The following NFIB variants were observed in gnomAD, a reference collection of about 807,000 sequenced individuals.
NFIB encodes the protein nuclear factor I B.
NFIB carries 11 observed loss-of-function variants against 61.5 expected under a neutral mutation model. The ratio of observed to expected loss-of-function variants is 0.18; its 90% CI spans 0.11 to 0.30. The LOEUF is 0.30. Among genes scored for constraint, NFIB ranks in the 10% least tolerant of loss-of-function variants. The probability of loss-of-function intolerance (pLI) is 1.00; values close to 1 mark genes in which losing one functional copy is unlikely to be tolerated. For synonymous variants in NFIB, 260 were observed against 216.5 expected (o/e 1.20, Z -1.76); for missense variants, 471 against 608.9 (o/e 0.77, Z 2.38).
At chr9:14,445,793 T>C in the NFIB span, among the ~76,000 whole-genome samples, 3 of 152,220 alleles carry the variant, frequency 2.0e-5, no homozygotes, top group African/African-American at 4.8e-5. Flanking sequence ...TATTGTTTTA[T>C]ATACCCAATA....
At chr9:14,457,014 G>A in the NFIB span, among the ~76,000 whole-genome samples, 1 of 152,144 alleles carries the variant, frequency 6.6e-6, no homozygotes, top group African/African-American at 2.4e-5. Flanking sequence ...AACAATGAAT[G>A]AGACAATTCT....
At chr9:14,419,731 G>T in the NFIB span, among the ~76,000 whole-genome samples, 3 of 151,904 alleles carry the variant, frequency 2.0e-5, no homozygotes, top group Non-Finnish European at 2.9e-5. Flanking sequence ...CCACAACACC[G>T]ACCCTTTGAC....
the NFIB span, among the ~76,000 whole-genome samples, chr9:14,509,991 G>A: frequency 2.0e-5 from 3 of 152,174 alleles, no homozygotes; most frequent in Non-Finnish European, 4.4e-5. Flanking sequence ...TCGCTTCCCA[G>A]GTTCAAGTGA....
At chr9:14,237,289 C>T (rs547596960) in intron 2 of NFIB, among the ~76,000 whole-genome samples, 3 of 152,306 alleles carry the variant, frequency 2.0e-5, no homozygotes, top group East Asian at 3.9e-4. Flanking sequence ...TTTCTTTCAT[C>T]TATCTCATCC....
At chr9:14,236,561 C>T (rs1019797826) in intron 2 of NFIB, among the ~76,000 whole-genome samples, 6 of 152,170 alleles carry the variant, frequency 3.9e-5, no homozygotes, top group Non-Finnish European at 5.9e-5. Flanking sequence ...CACACTCATC[C>T]GTGCTGGACT....
intron 10 of NFIB, 131 bp from the exon 11 acceptor site, chr9:14,088,457 G>C (rs2033233679): frequency 1.0e-6 from 1 of 961,834 alleles, no homozygotes; most frequent in Non-Finnish European, 1.4e-6. Context: ...CAAAATTACA[G>C]TCTAATATGA....
At chr9:14,429,760 C>A in the NFIB span, among the ~76,000 whole-genome samples, 1 of 152,218 alleles carries the variant, frequency 6.6e-6, no homozygotes, top group Non-Finnish European at 1.5e-5. Flanking sequence ...CCACTGCTAC[C>A]ATGGGGCCTG....
chr9:14,103,405 T>C (rs149744069), intron 10 of NFIB, among the ~76,000 whole-genome samples: 1 of 152,076 alleles, frequency 6.6e-6, no homozygotes, highest in East Asian at 1.9e-4. Context: ...CACTGTAAAT[T>C]AACAGCATCT....
upstream of NFIB, chr9:14,314,493 T>C (rs2060447346): frequency 6.6e-6 from 1 of 152,224 alleles, no homozygotes; most frequent in Non-Finnish European, 1.5e-5. Context: ...TGCTCTAGGC[T>C]CTTTTTTTTC....
intron 1 of NFIB, among the ~76,000 whole-genome samples, chr9:14,355,638 G>A (rs768472651): frequency 6.6e-6 from 1 of 152,164 alleles, no homozygotes; most frequent in Non-Finnish European, 1.5e-5. Context: ...CCCATACTTA[G>A]AAGTGCCCCA....
chr9:14,520,214 G>A, the NFIB span, among the ~76,000 whole-genome samples: 1 of 152,064 alleles, frequency 6.6e-6, no homozygotes, highest in Non-Finnish European at 1.5e-5. Flanking sequence ...TTATCAAAAG[G>A]CCATTTCTTC....
At chr9:14,253,142 A>T (rs1027924010) in intron 2 of NFIB, among the ~76,000 whole-genome samples, 3 of 152,240 alleles carry the variant, frequency 2.0e-5, no homozygotes, top group African/African-American at 4.8e-5. Context: ...AATCAAAATC[A>T]GGTGCTACAG....
chr9:14,414,666 C>A, the NFIB span, among the ~76,000 whole-genome samples: 35 of 151,872 alleles, frequency 2.3e-4, no homozygotes, highest in Non-Finnish European at 3.5e-4. Flanking sequence ...ATCTACAAAG[C>A]ACTCCAAAGC....
intron 2 of NFIB, among the ~76,000 whole-genome samples, chr9:14,289,237 T>TAC (rs2058932577): frequency 6.7e-6 from 1 of 149,600 alleles, no homozygotes. Flanking sequence ...CACATATATA[T>TAC]ATGCATACAC....
intron 1 of NFIB, among the ~76,000 whole-genome samples, chr9:14,326,734 A>T (rs540615474): frequency 2.1e-4 from 32 of 150,256 alleles, no homozygotes; most frequent in African/African-American, 7.8e-4. Flanking sequence ...GTTATGACTC[A>T]ATGTGTGAAA....
At chr9:14,245,480 G>A (rs545048096) in intron 2 of NFIB, among the ~76,000 whole-genome samples, 3 of 151,564 alleles carry the variant, frequency 2.0e-5, no homozygotes, top group Admixed American at 6.6e-5. Flanking sequence ...AAAAACCAAC[G>A]GCAACAAAAA....
chr9:14,259,229 C>T (rs950962741), intron 2 of NFIB, among the ~76,000 whole-genome samples: 1 of 152,072 alleles, frequency 6.6e-6, no homozygotes, highest in African/African-American at 2.4e-5. Flanking sequence ...AAGTCAATTG[C>T]TTGTGGTGGT....
At chr9:14,159,367 A>C (rs906612517) in intron 3 of NFIB, among the ~76,000 whole-genome samples, 1 of 152,200 alleles carries the variant, frequency 6.6e-6, no homozygotes, top group Non-Finnish European at 1.5e-5. Flanking sequence ...TTTGGAACCT[A>C]CTGGATAAAA....
chr9:14,343,799 G>A (rs1050861506), intron 1 of NFIB, among the ~76,000 whole-genome samples: 32 of 136,544 alleles, frequency 2.3e-4, no homozygotes, highest in African/African-American at 9.0e-4. Context: ...GTGCCAAGAA[G>A]CAGAGAAAGG....
Sources: allele counts gnomAD v4.1 joint callset (sites outside exome capture counted in the v4.1 genomes callset), GRCh38; gene constraint gnomAD v4.1.1; transcripts MANE v1.5; gene names NCBI Gene and HGNC (gene_info 2026-07-23, HGNC 2026-07-21).